CRYM: variants seen among roughly 807,000 people sequenced by gnomAD.
CRYM encodes the protein crystallin mu.
Under a neutral mutation model 32.9 loss-of-function variants are expected in CRYM, and 18 were observed. The ratio of observed to expected loss-of-function variants is 0.55; its 90% CI spans 0.38 to 0.81. The LOEUF is 0.81. CRYM is among the 30% of genes least tolerant of loss of function. The probability of loss-of-function intolerance (pLI) is 0.00; values close to 1 mark genes in which losing one functional copy is unlikely to be tolerated. For synonymous variants in CRYM, 153 were observed against 152.4 expected (o/e 1.00, Z -0.03); for missense variants, 337 against 393.5 (o/e 0.86, Z 1.21).
At chr16:21,290,315 G>T (rs2152864822) in intron 1 of CRYM, among the ~76,000 whole-genome samples, 1 of 152,240 alleles carries the variant, frequency 6.6e-6, no homozygotes, top group African/African-American at 2.4e-5. Context: ...AACCCACCGG[G>T]AGGGACAAAC....
intron 5 of CRYM, among the ~76,000 whole-genome samples, chr16:21,264,133 C>T (rs2093359557): frequency 6.6e-6 from 1 of 152,188 alleles, no homozygotes; most frequent in Admixed American, 6.5e-5. Context: ...CCCTTTGTTC[C>T]CTCCCGTTCT....
intron 5 of CRYM, among the ~76,000 whole-genome samples, chr16:21,265,103 C>T (rs1286280843): frequency 6.6e-6 from 1 of 152,084 alleles, no homozygotes; most frequent in East Asian, 1.9e-4. Context: ...GCCTTGGAAA[C>T]CCATTTCACC....
chr16:21,263,562 A>C (rs79529220), intron 5 of CRYM, among the ~76,000 whole-genome samples: 15,865 of 152,156 alleles, frequency 0.1, 910 homozygotes, highest in East Asian at 0.27. Flanking sequence ...AAAAGAAAAA[A>C]AACAACAACA....
Position 21,278,288 on chromosome 16 carries a change from C to T in CRYM, c.-37G>A, listed in dbSNP as rs2093391798. ...TGCCTTCTAACCTCAGTCTCCGCAC[C>T]GCGATCCACGTACCCTCGGCTGTGC... On this transcript the variant is annotated 5_prime_UTR_variant, in exon 1 of 8. Transcript: ENST00000572914. 3.2e-6 allele frequency: 5 copies of T among 1,560,780 alleles called. No homozygotes were observed. Among genetic ancestry groups the T allele is most frequent in the African/African-American group, 1.4e-5 (1 of 73,720 alleles).
At chr16:21,296,690 G>T (rs559469686) in intron 1 of CRYM, among the ~76,000 whole-genome samples, 18 of 152,194 alleles carry the variant, frequency 1.2e-4, no homozygotes, top group Non-Finnish European at 2.2e-4. Context: ...TAACAAGAAG[G>T]TCTTATGCCA....
chr16:21,287,604 A>C (rs184573541), intron 1 of CRYM, among the ~76,000 whole-genome samples: 20 of 152,316 alleles, frequency 1.3e-4, no homozygotes, highest in Admixed American at 1.2e-3. Flanking sequence ...AGGAGACAGG[A>C]GATTGAGTTC....
chr16:21,283,421 C>A (rs1228021418), intron 1 of CRYM: 1 of 152,026 alleles, frequency 6.6e-6, no homozygotes, highest in African/African-American at 2.4e-5. Context: ...CAATACAGCT[C>A]CTCACGAAAT....
upstream of CRYM, among the ~76,000 whole-genome samples, chr16:21,281,136 G>GTA (rs757721670): frequency 0.049 from 7,157 of 146,676 alleles, 541 homozygotes; most frequent in African/African-American, 0.17. Flanking sequence ...CTCTCTCTCT[G>GTA]TATATATATA....
In CRYM at chr16:21,275,545, G is replaced by T. The variant is rs572310851; in HGVS notation, c.374C>A (p.Ala125Asp). Reference sequence around the variant, plus strand: ...CATTCATCTTACCTTGGTGGCAATGGCAGAAACTGCAGCTGTTCTCTTTGC... The same window carrying T: ...CATTCATCTTACCTTGGTGGCAATGTCAGAAACTGCAGCTGTTCTCTTTGC... ...ITAKRTAAVS[A>D]IATKFLKPPS... The change falls in exon 3 of 8, where the codon GCC becomes GAC. Residue 125 changes from alanine (A) to aspartate (D), a missense_variant. By Grantham distance (126) the Ala-to-Asp change is moderately radical (BLOSUM62 -2). Coordinates refer to ENST00000572914, the MANE Select transcript of CRYM (RefSeq NM_001376256.1). 6.2e-7 allele frequency: 1 copy of T among 1,613,936 alleles called. No homozygotes were observed. The highest frequency in any genetic ancestry group is 2.2e-5 in the East Asian group (1 of 44,884).
At chr16:21,261,595 A>G in intron 6 of CRYM, 1 of 557,380 alleles carries the variant, frequency 1.8e-6, no homozygotes, top group East Asian at 3.1e-5. Flanking sequence ...CTGTCCTGCC[A>G]AGATCATTGT....
chr16:21,267,609 C>T lies in CRYM; in HGVS notation c.618G>A (p.Leu206=). 1 of 1,614,154 alleles carries T rather than the reference C, an allele frequency of 6.2e-7. No individual in the cohort carries two copies. The highest frequency in any genetic ancestry group is 2.2e-5 in the East Asian group (1 of 44,884). The part of the protein sequence containing the change: ...AGADVIITVT[L]ATEPILFGEW... The stretch of plus-strand genomic sequence containing the variant: ...CACCAAACAAAATGGGCTCTGTTGC[C>T]AGGGTGACTGTGATGATCACATCTG... The change falls in exon 5 of 8, where the codon CTG becomes CTA. Residue 206 remains leucine, a synonymous_variant. Coordinates refer to ENST00000572914, the MANE Select transcript of CRYM (RefSeq NM_001376256.1).
chr16:21,290,871 T>G (rs1465349415), intron 1 of CRYM, among the ~76,000 whole-genome samples: 3 of 152,208 alleles, frequency 2.0e-5, no homozygotes, highest in African/African-American at 4.8e-5. Context: ...GCTTTTTCAT[T>G]GGTTATATAA....
intron 3 of CRYM, among the ~76,000 whole-genome samples, chr16:21,271,678 T>C (rs1192814022): frequency 2.0e-5 from 3 of 152,216 alleles, no homozygotes; most frequent in Non-Finnish European, 2.9e-5. Flanking sequence ...CCTTAATTGT[T>C]ACCATTTTCT....
intron 3 of CRYM, among the ~76,000 whole-genome samples, chr16:21,274,831 C>T (rs1321712126): frequency 1.3e-5 from 2 of 152,148 alleles, no homozygotes; most frequent in African/African-American, 4.8e-5. Context: ...GTCTCCAACT[C>T]CTGAGCTCAA....
chr16:21,270,090 C>A (rs771774476), intron 3 of CRYM, among the ~76,000 whole-genome samples, 199 bp from the exon 4 acceptor site: 1 of 152,100 alleles, frequency 6.6e-6, no homozygotes, highest in Non-Finnish European at 1.5e-5. Flanking sequence ...CTTCACTGAA[C>A]AGCTAATGTA....
At chr16:21,285,330 C>T (rs1028908309) in intron 1 of CRYM, among the ~76,000 whole-genome samples, 5 of 152,176 alleles carry the variant, frequency 3.3e-5, no homozygotes, top group Non-Finnish European at 5.9e-5. Flanking sequence ...AGTCTTGAGG[C>T]TAGGAAGCCA....
chr16:21,299,771 G>A (rs1960865683), intron 1 of CRYM: 1 of 152,182 alleles, frequency 6.6e-6, no homozygotes, highest in South Asian at 2.1e-4. Context: ...AAGAGATTGG[G>A]TTAGCAGGTC....
At chr16:21,260,463 C>T (rs2093352373) in intron 7 of CRYM, among the ~76,000 whole-genome samples, 1 of 152,150 alleles carries the variant, frequency 6.6e-6, no homozygotes, top group South Asian at 2.1e-4. Context: ...CCACGCCTGG[C>T]TAATTTTTGT....
At chr16:21,293,858 A>G (rs1001002558) in intron 1 of CRYM, among the ~76,000 whole-genome samples, 1 of 152,218 alleles carries the variant, frequency 6.6e-6, no homozygotes, top group Non-Finnish European at 1.5e-5. Flanking sequence ...GTTGGTTCAG[A>G]TAATCAATTT....
Sources: allele counts gnomAD v4.1 joint callset (sites outside exome capture counted in the v4.1 genomes callset), GRCh38; gene constraint gnomAD v4.1.1; transcripts MANE v1.5; gene names NCBI Gene and HGNC (gene_info 2026-07-23, HGNC 2026-07-21).